PHF3: variants seen among roughly 807,000 people sequenced by gnomAD.
PHF3 encodes PHD finger protein 3.
A neutral mutation model predicts 178.4 loss-of-function variants in PHF3; 41 were observed. The observed-to-expected ratio is 0.23, with a 90% CI of 0.18 to 0.30. The LOEUF (loss-of-function observed/expected upper bound fraction) is 0.30. Among genes scored for constraint, PHF3 ranks in the 10% least tolerant of loss-of-function variants. The pLI is 1.00. For synonymous variants in PHF3, 842 were observed against 800.5 expected (o/e 1.05, Z -0.88); for missense variants, 2,346 against 2,398.1 (o/e 0.98, Z 0.45).
In PHF3 at chr6:63,685,405, C is replaced by T. The variant is rs1766644561; in HGVS notation, c.1683C>T (p.Cys561=). The T allele has an allele frequency of 6.2e-7, 1 of 1,613,762 alleles. No individual in the cohort carries two copies. Among genetic ancestry groups the T allele is most frequent in the African/African-American group, 1.3e-5 (1 of 74,842 alleles). The change falls in exon 4 of 16, where the codon TGC becomes TGT. Residue 561 remains cysteine, a synonymous_variant. Coordinates refer to ENST00000262043, the MANE Select transcript of PHF3 (RefSeq NM_001370348.2). ...ATAAGGAGCCAAAGATTCAGAGTTG[C>T]AATTCTGGGGTTAAATCTGTGAAAA... The part of the protein sequence containing the change: ...QIDKEPKIQS[C]NSGVKSVKNQ...
At chr6:63,652,773 A>G (rs1433804641) in intron 2 of PHF3, among the ~76,000 whole-genome samples, 12 of 152,092 alleles carry the variant, frequency 7.9e-5, no homozygotes, top group Admixed American at 7.9e-4. Flanking sequence ...TCCTAGCACC[A>G]TTTGTTGAAG....
At chr6:63,666,704 A>G (rs1177116621) in intron 2 of PHF3, among the ~76,000 whole-genome samples, 2 of 151,916 alleles carry the variant, frequency 1.3e-5, no homozygotes, top group Non-Finnish European at 2.9e-5. Flanking sequence ...GGGAATAATG[A>G]CAAGAAAAAA....
intron 2 of PHF3, among the ~76,000 whole-genome samples, chr6:63,664,731 T>TGAAATATGTAAAAA (rs1554150103): frequency 6.6e-6 from 1 of 152,160 alleles, no homozygotes; most frequent in Non-Finnish European, 1.5e-5. Flanking sequence ...CTTATTTTGA[T>TGAAATATGTAAAAA]AAAATTTTTT....
rs1331913208 is a variant in PHF3, at chr6:63,723,918, C to T, written c.*10210C>T. Among the ~76,000 whole-genome samples the T allele has an allele frequency of 1.3e-5, 2 of 151,776 alleles. No homozygotes were observed. The highest frequency in any genetic ancestry group is 2.9e-5 in the Non-Finnish European group (2 of 67,960). On this transcript the variant is annotated 3_prime_UTR_variant, in exon 16 of 16. Transcript: ENST00000262043. The stretch of plus-strand genomic sequence containing the variant: ...CTCACTGCAACCTCCATCTCCCGGG[C>T]TGCCTCAGTTTCCCGAGTATCTGGG...
At chr6:63,686,764 A>G (rs964725924) in intron 4 of PHF3, among the ~76,000 whole-genome samples, 3 of 152,218 alleles carry the variant, frequency 2.0e-5, no homozygotes, top group African/African-American at 7.2e-5. Flanking sequence ...TAATTTGTAT[A>G]TTATATTCTT....
intron 1 of PHF3, among the ~76,000 whole-genome samples, chr6:63,644,310 T>C (rs1432956370): frequency 6.6e-6 from 1 of 152,252 alleles, no homozygotes; most frequent in Non-Finnish European, 1.5e-5. Context: ...AATGAATTCA[T>C]TGGTAGTTCT....
intron 11 of PHF3, among the ~76,000 whole-genome samples, 195 bp from the exon 12 acceptor site, chr6:63,705,834 A>G (rs1018081647): frequency 6.6e-6 from 1 of 152,232 alleles, no homozygotes; most frequent in African/African-American, 2.4e-5. Context: ...TGGGGAGAAC[A>G]CTAGTGAATT....
rs11285703 is a variant in PHF3, at chr6:63,646,806, C to CTT, written c.244+32_244+33dup. 2,513 of 1,009,698 alleles carry CTT rather than the reference C, an allele frequency of 2.5e-3. No individual in the cohort carries two copies. The highest frequency in any genetic ancestry group is 3.5e-3 in the Middle Eastern group (9 of 2,548). The allele number at this position is 1,009,698 out of a possible 1,614,324, so 62.5% of individuals were successfully genotyped here. On this transcript the variant is annotated intron_variant, in intron 2 of 15. Transcript: ENST00000262043. ...TGCCTTGTTCAACAGGTAATTCTTA[C>CTT]TTTTTTTTTTTTTTTTTTTTTTAGT...
intron 2 of PHF3, among the ~76,000 whole-genome samples, chr6:63,662,163 C>G (rs966893516): frequency 3.3e-5 from 5 of 152,158 alleles, no homozygotes; most frequent in Non-Finnish European, 7.4e-5. Context: ...AAACCACCCC[C>G]TCATCCGTGG....
chr6:63,678,742 TTC>T, intron 2 of PHF3: 3 of 427,902 alleles, frequency 7.0e-6, no homozygotes, highest in South Asian at 3.5e-5. Context: ...AGTTTCATGA[TTC>T]TGTTTGTTGT....
chr6:63,703,875 A>G (rs754030902), intron 11 of PHF3, among the ~76,000 whole-genome samples: 3 of 152,184 alleles, frequency 2.0e-5, no homozygotes, highest in Non-Finnish European at 4.4e-5. Context: ...TCTAGACCTA[A>G]TTATACTATA....
chr6:63,637,125 C>T (rs1366140878), intron 1 of PHF3, among the ~76,000 whole-genome samples: 1 of 152,068 alleles, frequency 6.6e-6, no homozygotes, highest in Admixed American at 6.5e-5. Context: ...TTACATGTAG[C>T]GATATTTAAT....
At position 63,691,733 on chromosome 6, in the gene PHF3, C is replaced by T. The variant is rs373270910; in HGVS notation, c.2190-4C>T. 7.0e-6 allele frequency: 11 copies of T among 1,560,408 alleles called. No homozygotes were observed. In the East Asian group the frequency reaches 2.5e-4, roughly 36 times the overall value. On this transcript the variant is annotated splice_region_variant and splice_polypyrimidine_tract_variant and intron_variant, in intron 4 of 15. Coordinates refer to ENST00000262043, the MANE Select transcript of PHF3 (RefSeq NM_001370348.2). ...TAAAAGTTTTTTGGTGTTCTGTTTT[C>T]CAGGTTTATGGTTGGCTGTGGGAGA...
chr6:63,653,367 T>G (rs1582011245), intron 2 of PHF3, among the ~76,000 whole-genome samples: 2 of 152,168 alleles, frequency 1.3e-5, no homozygotes. Context: ...CTCTTTAATT[T>G]CTGTTATTAG....
intron 3 of PHF3, among the ~76,000 whole-genome samples, chr6:63,682,346 T>G (rs1766474966): frequency 6.6e-6 from 1 of 152,116 alleles, no homozygotes; most frequent in Non-Finnish European, 1.5e-5. Context: ...TGGTGTTAGT[T>G]TTTGCCAACA....
At position 63,711,330 on chromosome 6, in the gene PHF3, T is replaced by A. The variant is rs1582124624; in HGVS notation, c.3965T>A (p.Ile1322Asn). ...ATTCCTTTGGGTGCCACAGATAAAATTCCACACCCTCTTGTGCCTTTTGAT... is the reference window on the plus strand; with the variant it reads ...ATTCCTTTGGGTGCCACAGATAAAAATCCACACCCTCTTGTGCCTTTTGAT... ...YLIPLGATDK[I>N]PHPLVPFDGP... The change falls in exon 15 of 16, where the codon ATT (isoleucine) becomes AAT (asparagine). Residue 1322 changes from isoleucine to asparagine, a missense_variant. Ile to Asn is a moderately radical substitution (Grantham distance 149). Coordinates refer to ENST00000262043, the MANE Select transcript of PHF3 (RefSeq NM_001370348.2). The A allele has an allele frequency of 1.9e-6, 3 of 1,612,504 alleles. No individual in the cohort carries two copies. The highest frequency in any genetic ancestry group is 2.5e-6 in the Non-Finnish European group (3 of 1,179,354).
intron 1 of PHF3, among the ~76,000 whole-genome samples, chr6:63,640,827 CTG>C (rs1278719688): frequency 2.0e-5 from 3 of 152,138 alleles, no homozygotes; most frequent in African/African-American, 4.8e-5. Flanking sequence ...TTAAACTTGA[CTG>C]TTGACATTTT....
At position 63,636,008 on chromosome 6, in the gene PHF3, G is replaced by T. The variant is rs1561931257; in HGVS notation, c.-168G>T. ...CAGCCATTTGGTCCCAGGAGGAAAA[G>T]AGGCTGTGGCAGCGACGCCGACGTC... On this transcript the variant is annotated 5_prime_UTR_variant, in exon 1 of 16. Coordinates refer to ENST00000262043, the MANE Select transcript of PHF3 (RefSeq NM_001370348.2). 1 of 397,592 alleles carries T rather than the reference G, an allele frequency of 2.5e-6. No individual in the cohort carries two copies. Among genetic ancestry groups the T allele is most frequent in the Non-Finnish European group, 4.4e-6 (1 of 225,386 alleles). 24.6% of individuals were successfully genotyped at this position (397,592 alleles called of 1,614,324 possible).
rs747591214 is a variant in PHF3 at position 63,651,612 on chromosome 6, T to G, written c.244+4817T>G. Among the ~76,000 whole-genome samples, 10 of 152,168 alleles carry G rather than the reference T, an allele frequency of 6.6e-5. No individual in the cohort carries two copies. The South Asian group carries it at 2.1e-3, about 32-fold the overall frequency. On this transcript the variant is annotated intron_variant, in intron 2 of 15. Coordinates refer to ENST00000262043, the MANE Select transcript of PHF3 (RefSeq NM_001370348.2). ...CCTGACCTCAAGTGATCTGCCTGCC[T>G]TGGCCTCCCAAAGTGCTGGGATTAC... is the stretch of plus-strand genomic sequence containing the variant.
Sources: gnomAD v4.1 joint callset for allele counts (sites outside exome capture counted in the v4.1 genomes callset) on GRCh38, gnomAD v4.1.1 for gene constraint, MANE v1.5 for transcripts, NCBI Gene and HGNC (gene_info 2026-07-23, HGNC 2026-07-21) for gene names.